Variants in FCHSD2 observed in about 807,000 individuals in gnomAD.
The protein encoded by FCHSD2 is F-BAR and double SH3 domains protein 2.
FCHSD2 carries 38 observed loss-of-function variants against 108.1 expected under a neutral mutation model. The observed-to-expected ratio is 0.35, with a 90% CI of 0.27 to 0.46. The LOEUF is 0.46. Ranked by LOEUF, FCHSD2 falls within the 20% of genes least tolerant of loss-of-function variation. The pLI is 1.00. For missense variants in FCHSD2, 751 were observed against 897.8 expected, an observed-to-expected ratio of 0.84 and a Z score of 2.09; for synonymous variants, 279 against 314.7, an observed-to-expected ratio of 0.89 and a Z score of 1.20.
chr11:73,076,479 G>A (rs942259853), intron 3 of FCHSD2, among the ~76,000 whole-genome samples: 9 of 152,238 alleles, frequency 5.9e-5, no homozygotes, highest in Middle Eastern at 3.4e-3. Flanking sequence ...TGTATGATAC[G>A]TCCAGAAGAG....
chr11:72,984,627 TG>T (rs1390340622), intron 7 of FCHSD2, among the ~76,000 whole-genome samples: 1 of 152,228 alleles, frequency 6.6e-6, no homozygotes, highest in Non-Finnish European at 1.5e-5. Flanking sequence ...GTTTGAAGCC[TG>T]GCAGCCACAG....
intron 7 of FCHSD2, among the ~76,000 whole-genome samples, chr11:72,984,767 T>A (rs1857280420): frequency 6.6e-6 from 1 of 152,218 alleles, no homozygotes; most frequent in Admixed American, 6.5e-5. Context: ...TGTAGAGCTT[T>A]CCAAAGCCCC....
intron 19 of FCHSD2, among the ~76,000 whole-genome samples, chr11:72,839,719 G>T (rs535490507): frequency 6.6e-6 from 1 of 152,282 alleles, no homozygotes; most frequent in Admixed American, 6.5e-5. Flanking sequence ...TTTTTGCTGA[G>T]TTTTGGGGAT....
intron 3 of FCHSD2, among the ~76,000 whole-genome samples, chr11:73,068,304 A>G (rs1162940469): frequency 7.1e-6 from 1 of 139,984 alleles, no homozygotes; most frequent in Non-Finnish European, 1.5e-5. Context: ...TGGGGGAACA[A>G]CACACACTGA....
intron 10 of FCHSD2, among the ~76,000 whole-genome samples, chr11:72,901,349 A>G (rs1445093984): frequency 6.6e-6 from 1 of 152,142 alleles, no homozygotes; most frequent in Non-Finnish European, 1.5e-5. Flanking sequence ...GTGAGCTGAG[A>G]TCACGCTACT....
At chr11:73,094,104 G>A (rs756612182) in intron 2 of FCHSD2, among the ~76,000 whole-genome samples, 3 of 152,038 alleles carry the variant, frequency 2.0e-5, no homozygotes, top group South Asian at 2.1e-4. Flanking sequence ...CCAGCTACCC[G>A]GGAGGCTGAG....
intron 3 of FCHSD2, among the ~76,000 whole-genome samples, chr11:73,040,634 CAT>C (rs908027859): frequency 3.4e-4 from 52 of 152,250 alleles, no homozygotes; most frequent in African/African-American, 1.2e-3. Context: ...AAGGGGCACA[CAT>C]GATATTTTGA....
intron 17 of FCHSD2, 125 bp downstream of exon 17, chr11:72,842,496 C>T: frequency 8.6e-7 from 1 of 1,164,938 alleles, no homozygotes. Flanking sequence ...TGTGCAGACA[C>T]TGGCAACCAA....
chr11:72,943,977 T>C (rs1220190462), intron 8 of FCHSD2, among the ~76,000 whole-genome samples: 1 of 152,016 alleles, frequency 6.6e-6, no homozygotes, highest in Non-Finnish European at 1.5e-5. Flanking sequence ...GACATGGAGG[T>C]AAAACAACAC....
At chr11:72,992,921 A>G (rs1294485374) in intron 5 of FCHSD2, among the ~76,000 whole-genome samples, 5 of 152,248 alleles carry the variant, frequency 3.3e-5, no homozygotes, top group Admixed American at 3.3e-4. Context: ...ATCTAATTAA[A>G]CTAAAGAGCT....
At chr11:73,025,616 C>A (rs1056294941) in intron 3 of FCHSD2, among the ~76,000 whole-genome samples, 49 of 151,950 alleles carry the variant, frequency 3.2e-4, no homozygotes, top group African/African-American at 1.2e-3. Flanking sequence ...ATGTAACAAA[C>A]CTGCACTTGT....
At chr11:72,939,107 T>C (rs947196376) in intron 8 of FCHSD2, among the ~76,000 whole-genome samples, 3 of 152,140 alleles carry the variant, frequency 2.0e-5, no homozygotes, top group Admixed American at 1.3e-4. Context: ...ACAGAGCCTA[T>C]GAAAAAAAGA....
intron 8 of FCHSD2, among the ~76,000 whole-genome samples, chr11:72,947,877 C>T (rs1369518992): frequency 1.3e-5 from 2 of 152,148 alleles, no homozygotes; most frequent in Non-Finnish European, 2.9e-5. Flanking sequence ...CTATATTTTA[C>T]ATATTATTTA....
chr11:72,929,390 G>A (rs1025982028), intron 8 of FCHSD2, among the ~76,000 whole-genome samples: 2 of 152,202 alleles, frequency 1.3e-5, no homozygotes, highest in Non-Finnish European at 2.9e-5. Flanking sequence ...GCAAGGCTGT[G>A]ATACTCATTA....
chr11:73,055,653 A>G lies in FCHSD2; in HGVS notation c.165+28042T>C, dbSNP rs142066704. The stretch of plus-strand genomic sequence containing the variant: ...GAGTACATGTATGTTACAAATATAT[A>G]TATCACTTAAATTTTTTAATAGATA... On this transcript the variant is annotated intron_variant, in intron 3 of 19. Coordinates refer to ENST00000409418, the MANE Select transcript of FCHSD2 (RefSeq NM_014824.3). Among the ~76,000 whole-genome samples, 791 of 152,326 alleles carry G rather than the reference A, an allele frequency of 5.2e-3. 6 individuals carry two copies. Among genetic ancestry groups the G allele is most frequent in the African/African-American group, 0.018 (766 of 41,572 alleles).
At chr11:73,098,856 T>C (rs528313197) in intron 2 of FCHSD2, among the ~76,000 whole-genome samples, 1 of 152,322 alleles carries the variant, frequency 6.6e-6, no homozygotes, top group South Asian at 2.1e-4. Flanking sequence ...GATTTTGCAA[T>C]GCATTCCTAG....
At chr11:72,983,945 A>G (rs1857263479) in intron 8 of FCHSD2, 143 bp downstream of exon 8, 7 of 734,520 alleles carry the variant, frequency 9.5e-6, no homozygotes, top group Non-Finnish European at 1.2e-5. Flanking sequence ...GATGCTATCC[A>G]AACAATAACA....
At chr11:73,064,417 G>C (rs1364875687) in intron 3 of FCHSD2, among the ~76,000 whole-genome samples, 1 of 151,426 alleles carries the variant, frequency 6.6e-6, no homozygotes, top group East Asian at 1.9e-4. Flanking sequence ...TCTAGCAGAA[G>C]ACAAGAAATA....
chr11:72,985,284 C>T (rs1296403213), intron 6 of FCHSD2, among the ~76,000 whole-genome samples, 168 bp from the exon 7 acceptor site: 1 of 142,056 alleles, frequency 7.0e-6, no homozygotes, highest in Non-Finnish European at 1.5e-5. Context: ...CTTTATTTTA[C>T]TACAGGAAGA....
Sources: gnomAD v4.1 joint callset for allele counts (sites outside exome capture counted in the v4.1 genomes callset) on GRCh38, gnomAD v4.1.1 for gene constraint, MANE v1.5 for transcripts, NCBI Gene and HGNC (gene_info 2026-07-23, HGNC 2026-07-21) for gene names.